The following LRFN2 variants were observed in gnomAD, a reference collection of about 807,000 sequenced individuals.
The protein encoded by LRFN2 is leucine rich repeat and fibronectin type III domain containing 2.
A neutral mutation model predicts 37.3 loss-of-function variants in LRFN2; 18 were observed. The ratio of observed to expected loss-of-function variants is 0.48; its 90% CI spans 0.33 to 0.72. The LOEUF is 0.72. LRFN2 is among the 30% of genes least tolerant of loss of function. The pLI, the probability that LRFN2 is intolerant of heterozygous loss-of-function variation, is 0.02. For missense variants in LRFN2, 1,006 were observed against 1,060.7 expected, an observed-to-expected ratio of 0.95 and a Z score of 0.72; for synonymous variants, 556 against 466.6, an observed-to-expected ratio of 1.19 and a Z score of -2.47.
intron 1 of LRFN2, among the ~76,000 whole-genome samples, chr6:40,484,579 A>T (rs914467645): frequency 1.3e-5 from 2 of 152,190 alleles, no homozygotes; most frequent in Non-Finnish European, 2.9e-5. Flanking sequence ...CGCTAAGAGT[A>T]TACTTGGAGG....
At chr6:40,452,241 C>T (rs1366974530) in intron 1 of LRFN2, among the ~76,000 whole-genome samples, 1 of 152,134 alleles carries the variant, frequency 6.6e-6, no homozygotes, top group Admixed American at 6.5e-5. Flanking sequence ...CTCTAGGTCA[C>T]CCTGCCTCAT....
intron 2 of LRFN2, among the ~76,000 whole-genome samples, chr6:40,404,895 G>A (rs926764226): frequency 3.9e-5 from 6 of 152,062 alleles, no homozygotes; most frequent in South Asian, 2.1e-4. Context: ...TGGGTTCAGC[G>A]TGCCCTCTCT....
At chr6:40,506,820 T>C (rs1765554626) in intron 1 of LRFN2, among the ~76,000 whole-genome samples, 1 of 152,168 alleles carries the variant, frequency 6.6e-6, no homozygotes, top group Non-Finnish European at 1.5e-5. Flanking sequence ...GCCCTGACAC[T>C]GCCAGTAACT....
intron 1 of LRFN2, among the ~76,000 whole-genome samples, chr6:40,528,910 C>T (rs1018902786): frequency 2.6e-5 from 4 of 152,164 alleles, no homozygotes; most frequent in African/African-American, 9.7e-5. Context: ...ACTGCTAGCC[C>T]CATTCCTGCC....
chr6:40,575,860 C>A (rs1767267594), intron 1 of LRFN2, among the ~76,000 whole-genome samples: 2 of 152,162 alleles, frequency 1.3e-5, no homozygotes, highest in Admixed American at 6.5e-5. Context: ...TTTGGGCAAG[C>A]TACTAACCCA....
At chr6:40,503,763 G>A (rs1765452213) in intron 1 of LRFN2, among the ~76,000 whole-genome samples, 1 of 152,176 alleles carries the variant, frequency 6.6e-6, no homozygotes, top group African/African-American at 2.4e-5. Context: ...TGGAGGCAAG[G>A]GAAGCAGGTG....
chr6:40,457,546 G>T (rs917280908), intron 1 of LRFN2, among the ~76,000 whole-genome samples: 18 of 149,128 alleles, frequency 1.2e-4, no homozygotes, highest in African/African-American at 4.2e-4. Context: ...GCTGAGGCAG[G>T]AGAAATCACT....
At chr6:40,494,764 C>G (rs1442616030) in intron 1 of LRFN2, among the ~76,000 whole-genome samples, 1 of 152,182 alleles carries the variant, frequency 6.6e-6, no homozygotes, top group Non-Finnish European at 1.5e-5. Flanking sequence ...ATTGTCATCT[C>G]CTATCTCACT....
At chr6:40,485,417 G>A (rs1314822954) in intron 1 of LRFN2, among the ~76,000 whole-genome samples, 1 of 152,214 alleles carries the variant, frequency 6.6e-6, no homozygotes, top group Non-Finnish European at 1.5e-5. Flanking sequence ...ATGGGGGTGA[G>A]AGGATGCTTA....
chr6:40,488,053 G>A lies in LRFN2; in HGVS notation c.-18-54922C>T, dbSNP rs912146576. On this transcript the variant is annotated intron_variant, in intron 1 of 2. Transcript: ENST00000338305. Reference sequence around the variant, plus strand: ...CCCTAGCCACGGGTCGAAAAGGAGAGGGAATATTTTCTTTTGTTGGGAAGA... The same window carrying A: ...CCCTAGCCACGGGTCGAAAAGGAGAAGGAATATTTTCTTTTGTTGGGAAGA... Among the ~76,000 whole-genome samples the A allele has an allele frequency of 5.9e-5, 9 of 152,222 alleles. No individual in the cohort carries two copies. The South Asian group carries it at 8.3e-4, about 14-fold the overall frequency.
At chr6:40,579,709 C>T (rs774976612) in intron 1 of LRFN2, among the ~76,000 whole-genome samples, 5 of 152,042 alleles carry the variant, frequency 3.3e-5, no homozygotes, top group Non-Finnish European at 7.4e-5. Flanking sequence ...ATAATCAAGT[C>T]CTGGGGTCCA....
chr6:40,483,233 T>C (rs1764875053), intron 1 of LRFN2, among the ~76,000 whole-genome samples: 1 of 152,226 alleles, frequency 6.6e-6, no homozygotes, highest in Non-Finnish European at 1.5e-5. Flanking sequence ...GATGTTAGAG[T>C]GATGCCATTT....
chr6:40,415,812 G>GGTAAAT (rs1360997052), intron 2 of LRFN2, among the ~76,000 whole-genome samples: 2 of 152,222 alleles, frequency 1.3e-5, no homozygotes, highest in African/African-American at 4.8e-5. Flanking sequence ...TAAAGGTAAA[G>GGTAAAT]GCAAGGATGG....
At chr6:40,430,800 C>T (rs1763460258) in intron 2 of LRFN2, among the ~76,000 whole-genome samples, 1 of 152,162 alleles carries the variant, frequency 6.6e-6, no homozygotes, top group Admixed American at 6.5e-5. Flanking sequence ...CTGATGCTAC[C>T]TGTAAGACCC....
At chr6:40,563,322 G>A (rs1478655366) in intron 1 of LRFN2, among the ~76,000 whole-genome samples, 1 of 152,114 alleles carries the variant, frequency 6.6e-6, no homozygotes, top group African/African-American at 2.4e-5. Context: ...ACAGCTGCCG[G>A]GCCAATGAGC....
At chr6:40,399,445 T>TC (rs1762688985) in intron 2 of LRFN2, among the ~76,000 whole-genome samples, 1 of 143,540 alleles carries the variant, frequency 7.0e-6, no homozygotes. Context: ...TTTCTTTTTT[T>TC]TTTTTTTTGA....
At chr6:40,513,050 C>T (rs1331345880) in intron 1 of LRFN2, among the ~76,000 whole-genome samples, 2 of 152,142 alleles carry the variant, frequency 1.3e-5, no homozygotes, top group East Asian at 3.9e-4. Flanking sequence ...GTGGCTGGGG[C>T]TTGTCAACTG....
chr6:40,424,631 G>A (rs895522187), intron 2 of LRFN2, among the ~76,000 whole-genome samples: 2 of 151,904 alleles, frequency 1.3e-5, no homozygotes, highest in African/African-American at 4.8e-5. Context: ...ATTTTGATCC[G>A]GGCTCTGACC....
chr6:40,456,994 A>G (rs557007696), intron 1 of LRFN2, among the ~76,000 whole-genome samples: 159 of 152,196 alleles, frequency 1.0e-3, no homozygotes, highest in African/African-American at 3.6e-3. Flanking sequence ...TCAGTGAAGG[A>G]TAGGGGTGGT....
Sources: allele counts gnomAD v4.1 joint callset (sites outside exome capture counted in the v4.1 genomes callset), GRCh38; gene constraint gnomAD v4.1.1; transcripts MANE v1.5; gene names NCBI Gene and HGNC (gene_info 2026-07-23, HGNC 2026-07-21).